Variants in KCNN3 observed in about 807,000 individuals in gnomAD.
KCNN3 encodes the protein small conductance calcium-activated potassium channel protein 3.
In KCNN3, 16 loss-of-function variants were observed where a neutral mutation model predicts 62.9. That is an observed-to-expected ratio of 0.25 (90% confidence interval 0.17 to 0.39). The LOEUF is 0.39. KCNN3 is among the 10% of genes least tolerant of loss of function. The pLI, the probability that KCNN3 is intolerant of heterozygous loss-of-function variation, is 1.00. For synonymous variants in KCNN3, 370 were observed against 389.2 expected, an observed-to-expected ratio of 0.95 and a Z score of 0.58; for missense variants, 599 against 949.4, an observed-to-expected ratio of 0.63 and a Z score of 4.85.
rs200537232 is a variant in KCNN3 at position 154,822,056 on chromosome 1, C to T, written c.1029+33G>A. 4.5e-5 allele frequency: 68 copies of T among 1,525,414 alleles called. No homozygotes were observed. In the East Asian group the frequency reaches 1.1e-3, roughly 26 times the overall value. The allele number at this position is 1,525,414 out of a possible 1,614,324, so 94.5% of individuals were successfully genotyped here. ...CTCAGAGCAAGGCCAAAGGATCAGC[C>T]GCTGCATGAAGGGGTGAGGTGGGGG... On this transcript the variant is annotated intron_variant, in intron 2 of 7. Coordinates refer to ENST00000271915, the MANE Select transcript of KCNN3 (RefSeq NM_002249.6).
At chr1:154,714,306 G>A (rs1700165632) in intron 6 of KCNN3, among the ~76,000 whole-genome samples, 5 of 144,454 alleles carry the variant, frequency 3.5e-5, no homozygotes, top group African/African-American at 1.0e-4. Flanking sequence ...TGGTGTGTGT[G>A]TGGTTTGTGT....
Position 154,869,886 on chromosome 1 carries a change from C to T in KCNN3, c.79G>A (p.Gly27Arg), listed in dbSNP as rs1653116580. The T allele has an allele frequency of 3.1e-6, 5 of 1,606,220 alleles. No homozygotes were observed. The highest frequency in any genetic ancestry group is 1.7e-4 in the Middle Eastern group (1 of 6,018). ...EDPKCPCPSS[G>R]DEQQQQQQQQ... ...TGCTGCTGCTGCTGCTGCTCATCCC[C>T]AGAGGATGGACAGGGGCACTTGGGG... Residue 27 changes from glycine to arginine, a missense_variant, in exon 1 of 8, where the codon GGG becomes AGG. Around this residue, in one of 7 missense-constraint regions of KCNN3, gnomAD observed 59 missense variants for 62.4 expected, o/e 0.95. Coordinates refer to ENST00000271915, the MANE Select transcript of KCNN3 (RefSeq NM_002249.6). The surrounding 1 kb of genome is among the most constrained non-coding windows in gnomAD (Gnocchi z 6.1).
intron 1 of KCNN3, among the ~76,000 whole-genome samples, chr1:154,844,812 C>T (rs1482947892): frequency 6.6e-6 from 1 of 152,040 alleles, no homozygotes; most frequent in Non-Finnish European, 1.5e-5. Flanking sequence ...TCAAGACCAG[C>T]CTGACCAACA....
At position 154,698,914 on chromosome 1, in the gene KCNN3, G is replaced by A. The variant is rs1425707018; in HGVS notation, c.*9062C>T. On this transcript the variant is annotated 3_prime_UTR_variant, in exon 8 of 8. Transcript: ENST00000271915. The stretch of plus-strand genomic sequence containing the variant: ...AACAACGCGAACAAAACCACACAGA[G>A]CATGTGAAGACCGGGCCCTTCTGAT... 6.6e-6 allele frequency: 1 copy of A among 152,190 alleles called. No homozygotes were observed. The highest frequency in any genetic ancestry group is 1.5e-5 in the Non-Finnish European group (1 of 68,040). 9.4% of individuals were successfully genotyped at this position (152,190 alleles called of 1,614,324 possible).
At chr1:154,833,031 T>A (rs1372877193) in intron 1 of KCNN3, among the ~76,000 whole-genome samples, 2 of 152,038 alleles carry the variant, frequency 1.3e-5, no homozygotes, top group African/African-American at 4.8e-5. Context: ...TACAGACAAC[T>A]CCCCACCCTG....
At chr1:154,843,100 G>A (rs1651903644) in intron 1 of KCNN3, among the ~76,000 whole-genome samples, 1 of 152,096 alleles carries the variant, frequency 6.6e-6, no homozygotes, top group Admixed American at 6.5e-5. Flanking sequence ...CCTAGCACAA[G>A]CCCAGCCCAT....
intron 2 of KCNN3, among the ~76,000 whole-genome samples, chr1:154,782,983 C>G (rs533056169): frequency 3.9e-5 from 6 of 152,168 alleles, no homozygotes; most frequent in Non-Finnish European, 8.8e-5. Context: ...CAGGCCGAGG[C>G]GGGCGGATCA....
chr1:154,822,603 G>A (rs1046458429), intron 1 of KCNN3, among the ~76,000 whole-genome samples: 2 of 152,202 alleles, frequency 1.3e-5, no homozygotes, highest in Admixed American at 1.3e-4. Context: ...CGCCAGCTTG[G>A]GCCTCTGTTT....
At chr1:154,752,064 G>A (rs1647404629) in intron 3 of KCNN3, among the ~76,000 whole-genome samples, 1 of 152,168 alleles carries the variant, frequency 6.6e-6, no homozygotes, top group Non-Finnish European at 1.5e-5. Flanking sequence ...AAGTCCTCCG[G>A]GTGTTAAGTC....
chr1:154,837,576 T>C (rs193235365), intron 1 of KCNN3, among the ~76,000 whole-genome samples: 9 of 152,262 alleles, frequency 5.9e-5, no homozygotes, highest in African/African-American at 2.2e-4. Flanking sequence ...GAACGAGTGA[T>C]GCTTATGGGG....
intron 1 of KCNN3, among the ~76,000 whole-genome samples, chr1:154,859,082 G>A (rs895298234): frequency 1.3e-5 from 2 of 152,222 alleles, no homozygotes; most frequent in African/African-American, 4.8e-5. Flanking sequence ...TCCAAAGGCG[G>A]TGGCTCAACC....
chr1:154,734,827 G>A (rs72700223), intron 3 of KCNN3, among the ~76,000 whole-genome samples: 15,713 of 152,256 alleles, frequency 0.1, 1,012 homozygotes, highest in East Asian at 0.26. Context: ...CAGGAGGCAC[G>A]GAGACACTGG....
intron 2 of KCNN3, among the ~76,000 whole-genome samples, chr1:154,778,262 A>G (rs1648873935): frequency 6.6e-6 from 1 of 152,212 alleles, no homozygotes; most frequent in Admixed American, 6.5e-5. Context: ...ATTAGAGAAA[A>G]AGGAGAACTA....
chr1:154,831,141 T>C (rs940775026), intron 1 of KCNN3, among the ~76,000 whole-genome samples: 1 of 152,250 alleles, frequency 6.6e-6, no homozygotes, highest in Non-Finnish European at 1.5e-5. Context: ...GAGGCCTTTT[T>C]AAAGGCAGTT....
chr1:154,852,246 TCTGCTGCCCAGGCTGGAGTGCAGAGG>T (rs1652332426), intron 1 of KCNN3, among the ~76,000 whole-genome samples: 1 of 151,698 alleles, frequency 6.6e-6, no homozygotes, highest in Non-Finnish European at 1.5e-5. Context: ...AGGGTCTTGC[TCTGCTGCCCAGGCTGGAGTGCAGAGG>T]CACACGCATG....
In KCNN3 at chr1:154,820,402, G is replaced by A. The variant is rs1440619490; in HGVS notation, c.1029+1687C>T. 2.0e-5 allele frequency among the ~76,000 whole-genome samples: 3 copies of A among 152,222 alleles called. No individual in the cohort carries two copies. In the East Asian group the frequency reaches 5.8e-4, roughly 29 times the overall value. On this transcript the variant is annotated intron_variant, in intron 2 of 7. Transcript: ENST00000271915. ...CCTCTTCTTCCCCTTCCTCAAGCCTGGGTCATAACTGAGTTTTATGGTTCT... is the reference window on the plus strand; with the variant it reads ...CCTCTTCTTCCCCTTCCTCAAGCCTAGGTCATAACTGAGTTTTATGGTTCT...
intron 1 of KCNN3, chr1:154,868,376 C>A: frequency 1.0e-6 from 1 of 988,916 alleles, no homozygotes; most frequent in Non-Finnish European, 1.2e-6. Context: ...CCCATGCCCT[C>A]AGGAGACCCA....
At chr1:154,859,621 A>T in intron 1 of KCNN3, 1 of 1,466,628 alleles carries the variant, frequency 6.8e-7, no homozygotes, top group Non-Finnish European at 9.6e-7. Flanking sequence ...AGCAAGGTTC[A>T]ATGGCTCAAG....
chr1:154,732,205 G>A (rs1700610317), intron 4 of KCNN3, among the ~76,000 whole-genome samples: 1 of 152,212 alleles, frequency 6.6e-6, no homozygotes, highest in South Asian at 2.1e-4. Flanking sequence ...CTGGCCCAGG[G>A]TCCACAGTGA....
Sources: gnomAD v4.1 joint callset for allele counts (sites outside exome capture counted in the v4.1 genomes callset) on GRCh38, gnomAD v4.1.1 for gene constraint, gnomAD v4.1.1 regional missense constraint, Gnocchi (gnomAD v3.1) non-coding constraint, MANE v1.5 for transcripts, NCBI Gene and HGNC (gene_info 2026-07-23, HGNC 2026-07-21) for gene names.